The following KIAA0232 variants were observed in gnomAD, a reference collection of about 807,000 sequenced individuals.
The protein encoded by KIAA0232 is KIAA0232, also known as uncharacterized protein KIAA0232.
KIAA0232 carries 27 observed loss-of-function variants against 122.0 expected under a neutral mutation model. The observed-to-expected ratio is 0.22, with a 90% CI of 0.16 to 0.31. KIAA0232 has a LOEUF of 0.31. KIAA0232 is among the 10% of genes least tolerant of loss of function. The pLI is 1.00. For missense variants in KIAA0232, 1,551 were observed against 1,634.2 expected, an observed-to-expected ratio of 0.95 and a Z score of 0.88; for synonymous variants, 613 against 587.6, an observed-to-expected ratio of 1.04 and a Z score of -0.63.
chr4:6,841,117 T>C (rs1007936943), intron 3 of KIAA0232, among the ~76,000 whole-genome samples: 4 of 152,212 alleles, frequency 2.6e-5, no homozygotes, highest in African/African-American at 7.2e-5. Flanking sequence ...CTAAATAATG[T>C]GATAAAGTCA....
rs1227375896 is a variant in KIAA0232, at chr4:6,861,937, T to G, written c.1555T>G (p.Leu519Val). Residue 519 changes from leucine (L) to valine (V), a missense_variant, in exon 7 of 10, where the codon TTG becomes GTG. Coordinates refer to ENST00000307659, the MANE Select transcript of KIAA0232 (RefSeq NM_014743.3). ...TGAAGTGGATATTGATCAATCCATGTTGGATCCTGGTGCCTCAGAAACAAT... is the reference window on the plus strand; with the variant it reads ...TGAAGTGGATATTGATCAATCCATGGTGGATCCTGGTGCCTCAGAAACAAT... ...FYEVDIDQSMLDPGASETMQG... is the reference protein window; with the variant it reads ...FYEVDIDQSMVDPGASETMQG... 1 of 1,614,066 alleles carries G rather than the reference T, an allele frequency of 6.2e-7. No homozygotes were observed. Among genetic ancestry groups the G allele is most frequent in the African/African-American group, 1.3e-5 (1 of 75,044 alleles).
chr4:6,790,366 A>AT (rs985497546), intron 1 of KIAA0232, among the ~76,000 whole-genome samples: 2,621 of 105,818 alleles, frequency 0.025, 41 homozygotes, highest in Non-Finnish European at 0.034. Flanking sequence ...TTTTTATTTA[A>AT]TTTTTTTTTT....
intron 7 of KIAA0232, among the ~76,000 whole-genome samples, chr4:6,866,637 A>G (rs1380252899): frequency 6.6e-6 from 1 of 152,234 alleles, no homozygotes; most frequent in Non-Finnish European, 1.5e-5. Flanking sequence ...TTTAAAGATC[A>G]GTAGAACCCC....
intron 3 of KIAA0232, among the ~76,000 whole-genome samples, chr4:6,828,226 T>G (rs555849165): frequency 1.3e-5 from 2 of 152,072 alleles, no homozygotes; most frequent in African/African-American, 4.8e-5. Context: ...TAAAAAAAAT[T>G]ATCTGGATGC....
chr4:6,873,183 A>C (rs1721584533), intron 8 of KIAA0232, among the ~76,000 whole-genome samples: 1 of 152,242 alleles, frequency 6.6e-6, no homozygotes, highest in African/African-American at 2.4e-5. Context: ...GCTAGTTTTC[A>C]GATGAGGAAG....
chr4:6,844,131 G>A (rs1719825089), intron 4 of KIAA0232, among the ~76,000 whole-genome samples: 1 of 151,438 alleles, frequency 6.6e-6, no homozygotes, highest in Admixed American at 6.6e-5. Context: ...TAGTAGTGAT[G>A]GGGTATCACC....
intron 9 of KIAA0232, among the ~76,000 whole-genome samples, chr4:6,880,550 C>A (rs1208012065): frequency 6.6e-6 from 1 of 152,176 alleles, no homozygotes; most frequent in African/African-American, 2.4e-5. Context: ...TTTATCCTAC[C>A]CTAACATGGC....
At chr4:6,865,428 T>G (rs1481740863) in intron 7 of KIAA0232, among the ~76,000 whole-genome samples, 1 of 152,228 alleles carries the variant, frequency 6.6e-6, no homozygotes, top group Non-Finnish European at 1.5e-5. Flanking sequence ...GCCTCCCAAG[T>G]AGCTGGGATT....
intron 1 of KIAA0232, among the ~76,000 whole-genome samples, chr4:6,798,884 C>G (rs540400438): frequency 6.6e-6 from 1 of 152,176 alleles, no homozygotes; most frequent in African/African-American, 2.4e-5. Context: ...AAAAGTTGCA[C>G]GAGAAGAAAT....
At chr4:6,869,662 G>A (rs1247335035) in intron 7 of KIAA0232, among the ~76,000 whole-genome samples, 2 of 152,234 alleles carry the variant, frequency 1.3e-5, no homozygotes, top group African/African-American at 4.8e-5. Flanking sequence ...TGGGTAGACA[G>A]TACAATTCTT....
In KIAA0232 at chr4:6,862,829, A is replaced by G. The variant is rs200779052; in HGVS notation, c.2447A>G (p.His816Arg). The G allele has an allele frequency of 1.9e-6, 3 of 1,614,212 alleles. No individual in the cohort carries two copies. The highest frequency in any genetic ancestry group is 2.5e-6 in the Non-Finnish European group (3 of 1,180,042). ...ETTQVCNESP[H>R]GDGYSSGVIK... ...ACACAAGTATGTAATGAAAGTCCAC[A>G]TGGAGATGGCTACAGCTCAGGGGTT... is the stretch of plus-strand genomic sequence containing the variant. The change falls in exon 7 of 10, where the codon CAT becomes CGT. Residue 816 changes from histidine to arginine, a missense_variant. His to Arg is a conservative substitution (Grantham distance 29). Coordinates refer to ENST00000307659, the MANE Select transcript of KIAA0232 (RefSeq NM_014743.3).
chr4:6,871,717 C>T (rs770290287), intron 8 of KIAA0232, 35 bp downstream of exon 8: 20 of 1,227,612 alleles, frequency 1.6e-5, no homozygotes, highest in Non-Finnish European at 2.3e-5. Flanking sequence ...TTATTCATTG[C>T]AATTTGTAAT....
chr4:6,788,977 T>TA (rs1716756803), intron 1 of KIAA0232, among the ~76,000 whole-genome samples: 3 of 151,802 alleles, frequency 2.0e-5, no homozygotes, highest in South Asian at 4.2e-4. Flanking sequence ...CTTTTTTTTT[T>TA]ATTTTTATTT....
chr4:6,831,516 A>T (rs1441234122), intron 3 of KIAA0232, among the ~76,000 whole-genome samples: 3 of 152,174 alleles, frequency 2.0e-5, no homozygotes, highest in African/African-American at 7.2e-5. Flanking sequence ...ACTGTTCCAT[A>T]TAGAGAACAA....
At chr4:6,832,772 G>A (rs1393212452) in intron 3 of KIAA0232, among the ~76,000 whole-genome samples, 2 of 152,194 alleles carry the variant, frequency 1.3e-5, no homozygotes, top group Non-Finnish European at 2.9e-5. Context: ...TCTTTCTCAG[G>A]TCTGTGACTT....
intron 1 of KIAA0232, among the ~76,000 whole-genome samples, chr4:6,799,434 G>A (rs928576253): frequency 4.6e-5 from 7 of 151,256 alleles, no homozygotes; most frequent in African/African-American, 1.7e-4. Flanking sequence ...TTAAAGTTGG[G>A]GGTAAACAAT....
Position 6,863,601 on chromosome 4 carries a change from A to G in KIAA0232, c.3219A>G (p.Lys1073=), listed in dbSNP as rs762708021. 7 of 1,614,140 alleles carry G rather than the reference A, an allele frequency of 4.3e-6. 1 individual carries two copies. In the South Asian group the frequency reaches 7.7e-5, roughly 18 times the overall value. The change falls in exon 7 of 10, where the codon AAA becomes AAG. Residue 1073 remains lysine, a synonymous_variant. Coordinates refer to ENST00000307659, the MANE Select transcript of KIAA0232 (RefSeq NM_014743.3). The part of the protein sequence containing the change: ...IASFSPSFKP[K]SILCSDSDSE... ...CTTTCAGCCCCAGTTTTAAACCGAAATCAATCCTCTGTTCTGATTCAGACA... is the reference window on the plus strand; with the variant it reads ...CTTTCAGCCCCAGTTTTAAACCGAAGTCAATCCTCTGTTCTGATTCAGACA...
intron 6 of KIAA0232, among the ~76,000 whole-genome samples, chr4:6,859,114 A>C (rs984512479): frequency 2.6e-5 from 4 of 151,496 alleles, no homozygotes; most frequent in Non-Finnish European, 4.4e-5. Flanking sequence ...AAAAAAAAAA[A>C]AAAAAAAAAC....
chr4:6,808,637 A>G (rs1346659550), intron 2 of KIAA0232, among the ~76,000 whole-genome samples: 1 of 151,916 alleles, frequency 6.6e-6, no homozygotes, highest in Admixed American at 6.6e-5. Context: ...TGCCTTGTAC[A>G]CAAGAAACCT....
Sources: allele counts gnomAD v4.1 joint callset (sites outside exome capture counted in the v4.1 genomes callset), GRCh38; gene constraint gnomAD v4.1.1; transcripts MANE v1.5; gene names NCBI Gene and HGNC (gene_info 2026-07-23, HGNC 2026-07-21).